Variants in PITRM1 observed in about 807,000 individuals in gnomAD.
PITRM1 encodes the protein pitrilysin metallopeptidase 1.
Under a neutral mutation model 129.9 loss-of-function variants are expected in PITRM1, and 100 were observed. The ratio of observed to expected loss-of-function variants is 0.77; its 90% CI spans 0.65 to 0.91. The LOEUF is 0.91. PITRM1 is among the 40% of genes least tolerant of loss of function. The pLI is 0.00. For missense variants in PITRM1, 1,471 were observed against 1,318.3 expected (o/e 1.12, Z -1.79); for synonymous variants, 591 against 508.8 (o/e 1.16, Z -2.17).
chr10:3,172,505 C>G (rs1187013161), intron 1 of PITRM1, among the ~76,000 whole-genome samples: 1 of 152,138 alleles, frequency 6.6e-6, no homozygotes, highest in East Asian at 1.9e-4. Context: ...CCCGGGGCAT[C>G]GCCCCTGGGA....
In PITRM1 at chr10:3,138,787, G is replaced by A. The variant is rs765039215; in HGVS notation, c.2917+117C>T. 4 of 950,610 alleles carry A rather than the reference G, an allele frequency of 4.2e-6. No homozygotes were observed. In the African/African-American group the frequency reaches 4.8e-5, roughly 11 times the overall value. The allele number at this position is 950,610 out of a possible 1,614,324, so 58.9% of individuals were successfully genotyped here. ...GTCAGACGTGGAAATCGTATCACAA[G>A]CAAGGATGGAGGCACCAGAAGCTAG... On this transcript the variant is annotated intron_variant, in intron 25 of 26. Transcript: ENST00000224949.
rs759496100 is a variant in PITRM1, at chr10:3,138,034, T to G, written c.3111A>C (p.Gln1037His). ...KIAKDPSWIIQ is the reference protein window; with the variant it reads ...KIAKDPSWIIH Reference sequence around the variant, plus strand: ...TGCAGTCGAGCGCCACGGCTGCTCATTGGATGATCCAGGATGGGTCCTTGG... The same window carrying G: ...TGCAGTCGAGCGCCACGGCTGCTCAGTGGATGATCCAGGATGGGTCCTTGG... Residue 1037 changes from glutamine (Q) to histidine (H), a missense_variant, in exon 27 of 27, where the codon CAA becomes CAC. Transcript: ENST00000224949. The G allele has an allele frequency of 3.1e-6, 5 of 1,597,536 alleles. No individual in the cohort carries two copies. The highest frequency in any genetic ancestry group is 4.3e-6 in the Non-Finnish European group (5 of 1,169,672).
chr10:3,166,135 C>T, intron 4 of PITRM1, 94 bp downstream of exon 4: 1 of 1,059,406 alleles, frequency 9.4e-7, no homozygotes, highest in Non-Finnish European at 1.3e-6. Flanking sequence ...CATGAATTGC[C>T]CACTCCCCTC....
intron 6 of PITRM1, among the ~76,000 whole-genome samples, chr10:3,164,460 A>C (rs1337960300): frequency 6.6e-6 from 1 of 152,182 alleles, no homozygotes; most frequent in East Asian, 1.9e-4. Context: ...TACACTCTGA[A>C]AAATTAACCC....
At chr10:3,159,073 A>T in intron 9 of PITRM1, 31 bp from the exon 10 acceptor site, 1 of 1,589,204 alleles carries the variant, frequency 6.3e-7, no homozygotes, top group Non-Finnish European at 8.6e-7. Flanking sequence ...ACGGGGAGGT[A>T]AGAAAAGAGT....
At position 3,145,701 on chromosome 10, in the gene PITRM1, C is replaced by T. The variant is rs771041339; in HGVS notation, c.2352G>A (p.Ala784=). The T allele has an allele frequency of 1.4e-5, 22 of 1,549,926 alleles. No individual in the cohort carries two copies. The highest frequency in any genetic ancestry group is 4.8e-5 in the East Asian group (2 of 41,408). The change falls in exon 21 of 27, where the codon GCG becomes GCA. Residue 784 remains alanine, a synonymous_variant. Transcript: ENST00000224949. ...NGDNMRCSVN[A]TPQQMPQTEK... ...CTGTCTGAGGCATCTGCTGAGGAGT[C>T]GCATTCACTGAACACCTGTTTGAAA...
intron 4 of PITRM1, among the ~76,000 whole-genome samples, chr10:3,165,891 A>G (rs968359934): frequency 6.6e-6 from 1 of 152,256 alleles, no homozygotes; most frequent in Non-Finnish European, 1.5e-5. Flanking sequence ...TGCACTGTTC[A>G]TCGTCACCCT....
intron 1 of PITRM1, 68 bp from the exon 2 acceptor site, chr10:3,170,274 A>G (rs1843225843): frequency 9.1e-7 from 1 of 1,097,150 alleles, no homozygotes; most frequent in Non-Finnish European, 1.4e-6. Context: ...ATTCAGCCAC[A>G]TAGTGAAAAT....
chr10:3,170,045 C>T, intron 2 of PITRM1, 59 bp downstream of exon 2: 1 of 1,311,694 alleles, frequency 7.6e-7, no homozygotes, highest in South Asian at 1.2e-5. Context: ...GTACATAGGC[C>T]AGAAGCCGCA....
chr10:3,138,788 C>T (rs1403121097), intron 25 of PITRM1, 116 bp downstream of exon 25: 2 of 961,004 alleles, frequency 2.1e-6, no homozygotes, highest in Non-Finnish European at 3.4e-6. Flanking sequence ...GTATCACAAG[C>T]AAGGATGGAG....
chr10:3,166,131 T>C, intron 4 of PITRM1, 98 bp downstream of exon 4: 1 of 1,011,206 alleles, frequency 9.9e-7, no homozygotes, highest in Non-Finnish European at 1.4e-6. Context: ...AGAACATGAA[T>C]TGCCCACTCC....
rs1328841632 is a variant in PITRM1 at position 3,163,774 on chromosome 10, C to T, written c.742G>A (p.Glu248Lys). Residue 248 changes from glutamate (E) to lysine (K), a missense_variant, in exon 7 of 27, where the codon GAG (glutamate) becomes AAG (lysine). Transcript: ENST00000224949. The stretch of plus-strand genomic sequence containing the variant: ...GTGGCATGAAACTGCTTAAGCTGCT[C>T]CCATGTAAGCTCCGGGATGCACAGT... ...DPLCIPELTW[E>K]QLKQFHATHY... The T allele has an allele frequency of 3.7e-6, 6 of 1,613,196 alleles. No homozygotes were observed. The highest frequency in any genetic ancestry group is 5.1e-6 in the Non-Finnish European group (6 of 1,179,624).
At chr10:3,142,788 G>A (rs1201723056) in intron 23 of PITRM1, among the ~76,000 whole-genome samples, 1 of 152,182 alleles carries the variant, frequency 6.6e-6, no homozygotes, top group African/African-American at 2.4e-5. Flanking sequence ...TCCTTAGAGG[G>A]ACTGTGAGGC....
chr10:3,141,695 T>C (rs1273116671), intron 23 of PITRM1: 2 of 470,020 alleles, frequency 4.3e-6, no homozygotes, highest in African/African-American at 2.0e-5. Context: ...ACGCCCGTGG[T>C]GAGATCAGCC....
chr10:3,147,300 C>T (rs750677603), intron 19 of PITRM1, 50 bp from the exon 20 acceptor site: 11 of 1,347,764 alleles, frequency 8.2e-6, no homozygotes, highest in East Asian at 2.3e-5. Context: ...ACAACAGACC[C>T]GCTGAGTCTG....
rs1436503446 is a variant in PITRM1 at position 3,144,277 on chromosome 10, G to A, written c.2532+15C>T. ...CACCCACCCGCTGGCAACCCGGATG[G>A]GCTGTGGTTCTTACCATGACCAGCT... is the stretch of plus-strand genomic sequence containing the variant. On this transcript the variant is annotated intron_variant, in intron 22 of 26. Transcript: ENST00000224949. The A allele has an allele frequency of 3.3e-6, 5 of 1,518,188 alleles. No homozygotes were observed. The highest frequency in any genetic ancestry group is 4.5e-6 in the Non-Finnish European group (5 of 1,116,730). The allele number at this position is 1,518,188 out of a possible 1,614,324, so 94.0% of individuals were successfully genotyped here.
At chr10:3,145,331 T>C (rs1252047054) in intron 21 of PITRM1, 4 of 419,392 alleles carry the variant, frequency 9.5e-6, no homozygotes, top group African/African-American at 2.0e-5. Context: ...AGCCAAAGTC[T>C]GTTTTCCTAT....
chr10:3,157,797 C>T (rs1213584793), intron 11 of PITRM1, among the ~76,000 whole-genome samples: 3 of 152,180 alleles, frequency 2.0e-5, no homozygotes, highest in African/African-American at 7.2e-5. Context: ...TGAGATCACG[C>T]CACTGCACAG....
chr10:3,167,291 GCGA>G, intron 2 of PITRM1, among the ~76,000 whole-genome samples: 1 of 150,048 alleles, frequency 6.7e-6, no homozygotes, highest in East Asian at 2.0e-4. Context: ...GAGAGAGCGA[GCGA>G]GCGAGCGAGC....
Sources: allele counts gnomAD v4.1 joint callset (sites outside exome capture counted in the v4.1 genomes callset), GRCh38; gene constraint gnomAD v4.1.1; transcripts MANE v1.5; gene names NCBI Gene and HGNC (gene_info 2026-07-23, HGNC 2026-07-21).